The following MACROD2 variants were observed in gnomAD, a reference collection of about 807,000 sequenced individuals.
MACROD2 encodes mono-ADP ribosylhydrolase 2.
In MACROD2, 36 loss-of-function variants were observed where a neutral mutation model predicts 70.4. The ratio of observed to expected loss-of-function variants is 0.51; its 90% CI spans 0.39 to 0.68. The LOEUF is 0.68. Ranked by LOEUF, MACROD2 falls within the 30% of genes least tolerant of loss-of-function variation. MACROD2 has a pLI of 0.00. For missense variants in MACROD2, 496 were observed against 538.4 expected (o/e 0.92, Z 0.78); for synonymous variants, 172 against 178.8 (o/e 0.96, Z 0.30).
intron 3 of MACROD2, among the ~76,000 whole-genome samples, chr20:14,463,839 T>C (rs556425405): frequency 1.7e-4 from 26 of 152,262 alleles, no homozygotes; most frequent in African/African-American, 6.0e-4. Context: ...ATTACGTTTA[T>C]TGATTTTTGT....
intron 2 of MACROD2, among the ~76,000 whole-genome samples, chr20:14,033,477 T>G (rs2053270420): frequency 6.6e-6 from 1 of 152,238 alleles, no homozygotes; most frequent in Admixed American, 6.5e-5. Context: ...TAGCATTCTA[T>G]TCATAGAATA....
chr20:15,937,699 T>C (rs1321875835), intron 12 of MACROD2, among the ~76,000 whole-genome samples, 155 bp downstream of exon 12: 1 of 151,230 alleles, frequency 6.6e-6, no homozygotes, highest in African/African-American at 2.4e-5. Context: ...CCTACTCTCT[T>C]TTATTGCATA....
At position 14,422,560 on chromosome 20, in the gene MACROD2, T is replaced by C. The variant is rs74646896; in HGVS notation, c.272-70919T>C. ...AGCTTTGATTCCTTTATTATTTCTTTCGTTTATATTCTACAGGTATTTTTT... is the reference window on the plus strand; with the variant it reads ...AGCTTTGATTCCTTTATTATTTCTTCCGTTTATATTCTACAGGTATTTTTT... On this transcript the variant is annotated intron_variant, in intron 3 of 17. Coordinates refer to ENST00000684519, the MANE Select transcript of MACROD2 (RefSeq NM_001351661.2). 4.3e-4 allele frequency among the ~76,000 whole-genome samples: 65 copies of C among 152,296 alleles called. 1 individual carries two copies. In the East Asian group the frequency reaches 0.012, roughly 28 times the overall value.
chr20:14,473,357 A>G (rs1000089605), intron 3 of MACROD2, among the ~76,000 whole-genome samples: 2 of 152,106 alleles, frequency 1.3e-5, no homozygotes, highest in African/African-American at 2.4e-5. Context: ...CTCAACTTAC[A>G]TGAGATCAAC....
chr20:14,822,901 A>T (rs1856887935), intron 5 of MACROD2, among the ~76,000 whole-genome samples: 1 of 152,120 alleles, frequency 6.6e-6, no homozygotes, highest in South Asian at 2.1e-4. Flanking sequence ...ATATCTAAAA[A>T]AAAGTGCTGT....
intron 2 of MACROD2, among the ~76,000 whole-genome samples, chr20:14,071,360 A>G (rs532021918): frequency 2.0e-4 from 28 of 139,880 alleles, no homozygotes; most frequent in Non-Finnish European, 3.3e-4. Context: ...TCCCGGGTGC[A>G]TGCCGTTCTC....
chr20:15,692,267 G>A (rs980158309), intron 8 of MACROD2, among the ~76,000 whole-genome samples: 3 of 152,072 alleles, frequency 2.0e-5, no homozygotes, highest in Non-Finnish European at 4.4e-5. Flanking sequence ...ACTTCCAAGG[G>A]TAAATTCACC....
intron 6 of MACROD2, among the ~76,000 whole-genome samples, chr20:15,261,180 A>T (rs372767374): frequency 1.3e-5 from 2 of 152,004 alleles, no homozygotes; most frequent in South Asian, 4.1e-4. Flanking sequence ...ATTTTTTTTC[A>T]TTTGACTGTT....
intron 3 of MACROD2, among the ~76,000 whole-genome samples, chr20:14,393,161 A>T (rs1453880499): frequency 6.6e-6 from 1 of 152,192 alleles, no homozygotes; most frequent in Non-Finnish European, 1.5e-5. Context: ...TTGTTAAATG[A>T]GAGCTGATCA....
intron 6 of MACROD2, among the ~76,000 whole-genome samples, chr20:15,367,224 C>CA (rs1242569385): frequency 6.6e-6 from 1 of 151,906 alleles, no homozygotes; most frequent in African/African-American, 2.4e-5. Flanking sequence ...GACAGGGTTT[C>CA]ACCATCTTGG....
At chr20:14,840,511 A>G (rs2122270935) in intron 5 of MACROD2, among the ~76,000 whole-genome samples, 1 of 152,232 alleles carries the variant, frequency 6.6e-6, no homozygotes, top group Admixed American at 6.5e-5. Context: ...TGCTAGGATT[A>G]CAGGCCTGAG....
chr20:14,965,072 A>G (rs763497298), intron 5 of MACROD2, among the ~76,000 whole-genome samples: 15 of 152,160 alleles, frequency 9.9e-5, no homozygotes, highest in Non-Finnish European at 2.2e-4. Flanking sequence ...GCTGTTTTTG[A>G]TGAACCTGTT....
chr20:15,647,471 A>G (rs886481061), intron 8 of MACROD2, among the ~76,000 whole-genome samples: 2 of 152,196 alleles, frequency 1.3e-5, no homozygotes, highest in African/African-American at 4.8e-5. Flanking sequence ...CAATCCCCAC[A>G]TTAGGATGCA....
chr20:15,760,243 A>G (rs2051416157), intron 8 of MACROD2, among the ~76,000 whole-genome samples: 1 of 152,224 alleles, frequency 6.6e-6, no homozygotes, highest in African/African-American at 2.4e-5. Flanking sequence ...GAGAAACCAA[A>G]GGCTTGACAG....
intron 8 of MACROD2, among the ~76,000 whole-genome samples, chr20:15,600,990 T>C (rs1180727114): frequency 1.3e-5 from 2 of 152,188 alleles, no homozygotes; most frequent in African/African-American, 4.8e-5. Flanking sequence ...ACATCATGCT[T>C]CATCACATAG....
At chr20:14,684,368 A>G (rs2070972884) in intron 4 of MACROD2, among the ~76,000 whole-genome samples, 2 of 152,074 alleles carry the variant, frequency 1.3e-5, no homozygotes, top group Non-Finnish European at 2.9e-5. Context: ...GTTTCAGAGT[A>G]CCTTTCTAGG....
chr20:15,538,329 G>C (rs1045990765), intron 8 of MACROD2, among the ~76,000 whole-genome samples: 2 of 152,078 alleles, frequency 1.3e-5, no homozygotes, highest in East Asian at 3.9e-4. Context: ...GGGGTCTAGG[G>C]GTAGAATCAA....
At chr20:14,873,093 A>T (rs1275330291) in intron 5 of MACROD2, among the ~76,000 whole-genome samples, 1 of 152,162 alleles carries the variant, frequency 6.6e-6, no homozygotes, top group African/African-American at 2.4e-5. Flanking sequence ...TTTAGGTGGG[A>T]ACACAAAGCC....
chr20:14,335,186 A>G (rs761333574), intron 3 of MACROD2, among the ~76,000 whole-genome samples: 40 of 152,176 alleles, frequency 2.6e-4, no homozygotes, highest in Non-Finnish European at 5.0e-4. Context: ...TCTGCAGTGC[A>G]CTTGCATGTT....
Sources: allele counts gnomAD v4.1 joint callset (sites outside exome capture counted in the v4.1 genomes callset), GRCh38; gene constraint gnomAD v4.1.1; transcripts MANE v1.5; gene names NCBI Gene and HGNC (gene_info 2026-07-23, HGNC 2026-07-21).